SYBU: variants seen among roughly 807,000 people sequenced by gnomAD.
SYBU encodes the protein GOLSYN A protein.
A neutral mutation model predicts 35.9 loss-of-function variants in SYBU; 21 were observed. The observed-to-expected ratio is 0.58, with a 90% CI of 0.41 to 0.84. The LOEUF is 0.84. Ranked by LOEUF, SYBU falls within the 40% of genes least tolerant of loss-of-function variation. The pLI is 0.00. For missense variants in SYBU, 768 were observed against 848.2 expected, an observed-to-expected ratio of 0.91 and a Z score of 1.17; for synonymous variants, 319 against 324.3, an observed-to-expected ratio of 0.98 and a Z score of 0.18.
At chr8:109,677,034 ATGTG>A (rs10638682) in intron 1 of SYBU, among the ~76,000 whole-genome samples, 1 of 146,084 alleles carries the variant, frequency 6.8e-6, no homozygotes, top group African/African-American at 2.6e-5. Flanking sequence ...CAGGGTGTTC[ATGTG>A]TGTGTGTGTG....
Position 109,575,893 on chromosome 8 carries a change from T to C in SYBU, c.1005A>G (p.Lys335=). Residue 335 remains lysine, a synonymous_variant, in exon 7 of 7, where the codon AAA becomes AAG. Transcript: ENST00000276646. ...TGGTTTCGATGACCTGTTTGAGCTG[T>C]TTAATCTCTTTCCTGGCTTCTTTGA... is the stretch of plus-strand genomic sequence containing the variant. The part of the protein sequence containing the change: ...LALKEARKEI[K]QLKQVIETMR... 2 of 1,614,024 alleles carry C rather than the reference T, an allele frequency of 1.2e-6. No homozygotes were observed. The highest frequency in any genetic ancestry group is 1.1e-5 in the South Asian group (1 of 91,064).
chr8:109,645,904 T>C (rs1309011924), upstream of SYBU: 2 of 154,038 alleles, frequency 1.3e-5, no homozygotes, highest in African/African-American at 4.8e-5. Context: ...GCTGTGAGGG[T>C]TAGGTGAGGA....
At chr8:109,616,612 G>A (rs1026631428) in intron 3 of SYBU, among the ~76,000 whole-genome samples, 7 of 151,900 alleles carry the variant, frequency 4.6e-5, no homozygotes, top group African/African-American at 9.7e-5. Flanking sequence ...TGGGAATGAG[G>A]TGGTGGGGGT....
intron 3 of SYBU, among the ~76,000 whole-genome samples, chr8:109,604,001 G>A (rs189830781): frequency 1.7e-4 from 26 of 152,080 alleles, no homozygotes; most frequent in African/African-American, 6.3e-4. Flanking sequence ...ATTATATGTA[G>A]TATTTATAAA....
At chr8:109,665,734 A>C (rs1816729755) in intron 1 of SYBU, among the ~76,000 whole-genome samples, 1 of 152,210 alleles carries the variant, frequency 6.6e-6, no homozygotes, top group Admixed American at 6.5e-5. Flanking sequence ...TATTCTAAGA[A>C]ACTATTTTTT....
rs760967757 is a variant in SYBU, at chr8:109,575,580, C to T, written c.1318G>A (p.Asp440Asn). ...LVGDSIANST[D>N]LFDEIVTATT... is the part of the protein sequence containing the mutation. ...GCTGTCACTATCTCATCGAACAAATCTGTGCTGTTGGCTATGCTATCTCCT... is the reference window on the plus strand; with the variant it reads ...GCTGTCACTATCTCATCGAACAAATTTGTGCTGTTGGCTATGCTATCTCCT... The change falls in exon 7 of 7, where the codon GAT becomes AAT. Residue 440 changes from aspartate to asparagine, a missense_variant. Asp to Asn is a conservative substitution (Grantham distance 23). Coordinates refer to ENST00000276646, the MANE Select transcript of SYBU (RefSeq NM_001099754.2). 3.1e-6 allele frequency: 5 copies of T among 1,614,034 alleles called. No homozygotes were observed. The highest frequency in any genetic ancestry group is 4.2e-6 in the Non-Finnish European group (5 of 1,180,046).
Position 109,575,353 on chromosome 8 carries a change from G to C in SYBU, c.1545C>G (p.Pro515=). The change falls in exon 7 of 7, where the codon CCC becomes CCG. Residue 515 remains proline (P), a synonymous_variant. Coordinates refer to ENST00000276646, the MANE Select transcript of SYBU (RefSeq NM_001099754.2). ...ACTCATCAGGGGACGCCAAGCTCGA[G>C]GGACAGGGGTCCTGGAGCTTCTGCA... The part of the protein sequence containing the change: ...SVLQKLQDPC[P]SSLASPDESE... 1 of 1,614,160 alleles carries C rather than the reference G, an allele frequency of 6.2e-7. No individual in the cohort carries two copies. The highest frequency in any genetic ancestry group is 8.5e-7 in the Non-Finnish European group (1 of 1,180,022).
At chr8:109,585,799 A>T (rs1057168708) in intron 4 of SYBU, 1 of 477,148 alleles carries the variant, frequency 2.1e-6, no homozygotes, top group Non-Finnish European at 3.8e-6. Flanking sequence ...GAAAGAGAGA[A>T]GGGACAGGAG....
chr8:109,652,420 C>T (rs1287081513), intron 1 of SYBU, among the ~76,000 whole-genome samples: 1 of 150,880 alleles, frequency 6.6e-6, no homozygotes, highest in Admixed American at 6.6e-5. Context: ...TGAGATACTT[C>T]TGCCACCGTC....
At chr8:109,579,509 C>T (rs544167014) in intron 5 of SYBU, among the ~76,000 whole-genome samples, 1 of 152,258 alleles carries the variant, frequency 6.6e-6, no homozygotes, top group South Asian at 2.1e-4. Context: ...ACTGGAACCT[C>T]TGCCTCCCAG....
chr8:109,690,931 C>T (rs565429648), intron 1 of SYBU, among the ~76,000 whole-genome samples: 2 of 152,274 alleles, frequency 1.3e-5, no homozygotes, highest in Admixed American at 1.3e-4. Flanking sequence ...TGGAGAACAC[C>T]TATTCTTAAT....
chr8:109,643,523 A>G (rs1458190140), intron 1 of SYBU: 1 of 153,588 alleles, frequency 6.5e-6, no homozygotes, highest in Non-Finnish European at 1.4e-5. Flanking sequence ...GCCAACAGAA[A>G]AGCAAACACA....
intron 1 of SYBU, among the ~76,000 whole-genome samples, chr8:109,650,793 T>C (rs1245553023): frequency 6.6e-6 from 1 of 152,196 alleles, no homozygotes; most frequent in African/African-American, 2.4e-5. Flanking sequence ...AGAAAAAATA[T>C]GCCTTTTTAA....
intron 2 of SYBU, among the ~76,000 whole-genome samples, chr8:109,637,469 TATA>T (rs1340060702): frequency 4.6e-5 from 7 of 152,242 alleles, no homozygotes; most frequent in Non-Finnish European, 1.0e-4. Context: ...GCCTTTCGTT[TATA>T]ATCTATTTCA....
At chr8:109,688,851 CTT>C (rs142946791) in intron 1 of SYBU, among the ~76,000 whole-genome samples, 5,255 of 151,710 alleles carry the variant, frequency 0.035, 297 homozygotes, top group African/African-American at 0.12. Flanking sequence ...AACACTTTCT[CTT>C]TGTTTTCCAA....
At chr8:109,620,694 G>A (rs1812313445) in intron 2 of SYBU, among the ~76,000 whole-genome samples, 1 of 152,012 alleles carries the variant, frequency 6.6e-6, no homozygotes, top group Non-Finnish European at 1.5e-5. Context: ...TTTTAAATAC[G>A]TTGCGTTCTT....
At chr8:109,628,780 C>A (rs371780568) in intron 2 of SYBU, among the ~76,000 whole-genome samples, 2 of 151,906 alleles carry the variant, frequency 1.3e-5, no homozygotes, top group East Asian at 1.9e-4. Flanking sequence ...TGAGGTCGTG[C>A]CACTGCACTC....
chr8:109,624,175 G>A (rs887090144), intron 2 of SYBU, among the ~76,000 whole-genome samples: 6 of 151,922 alleles, frequency 3.9e-5, no homozygotes, highest in African/African-American at 1.5e-4. Flanking sequence ...AAAAAAAACT[G>A]AGTTCATGGT....
At chr8:109,617,793 T>C (rs1037901342) in intron 3 of SYBU, among the ~76,000 whole-genome samples, 1 of 152,234 alleles carries the variant, frequency 6.6e-6, no homozygotes, top group Non-Finnish European at 1.5e-5. Context: ...GATTTCTTTT[T>C]CACAGTTTAA....
Sources: allele counts gnomAD v4.1 joint callset (sites outside exome capture counted in the v4.1 genomes callset), GRCh38; gene constraint gnomAD v4.1.1; transcripts MANE v1.5; gene names NCBI Gene and HGNC (gene_info 2026-07-23, HGNC 2026-07-21).